UMAD1: variants seen among roughly 807,000 people sequenced by gnomAD.
UMAD1 encodes the protein UBAP1-MVB12-associated (UMA)-domain containing protein 1.
Under a neutral mutation model 6.1 loss-of-function variants are expected in UMAD1, and 8 were observed. The observed-to-expected ratio is 1.30, with a 90% CI of 0.76 to 2.35. The LOEUF is 2.35. Ranked by LOEUF, UMAD1 falls within the 30% of genes most tolerant of loss-of-function variation. The pLI, the probability that UMAD1 is intolerant of heterozygous loss-of-function variation, is 0.00. For synonymous variants in UMAD1, 56 were observed against 31.4 expected (o/e 1.78, Z -2.61); for missense variants, 130 against 78.4 (o/e 1.66, Z -2.49).
chr7:7,654,464 A>T (rs943430037), intron 1 of UMAD1, among the ~76,000 whole-genome samples: 3 of 152,256 alleles, frequency 2.0e-5, no homozygotes, highest in African/African-American at 7.2e-5. Context: ...GATTGGTTCC[A>T]GGACTTCCTG....
intron 1 of UMAD1, among the ~76,000 whole-genome samples, chr7:7,661,214 C>G (rs1227885114): frequency 6.6e-6 from 1 of 152,176 alleles, no homozygotes; most frequent in East Asian, 1.9e-4. Flanking sequence ...AGCAATTCAT[C>G]TAACCTTTTT....
intron 2 of UMAD1, among the ~76,000 whole-genome samples, chr7:7,797,286 C>T (rs1026580648): frequency 1.3e-5 from 2 of 152,182 alleles, no homozygotes; most frequent in Non-Finnish European, 2.9e-5. Flanking sequence ...CCCCATGACC[C>T]AAACACCTCC....
At chr7:7,648,703 T>C (rs556403601) in intron 1 of UMAD1, among the ~76,000 whole-genome samples, 1 of 151,264 alleles carries the variant, frequency 6.6e-6, no homozygotes, top group Non-Finnish European at 1.5e-5. Flanking sequence ...ATACAAAAAT[T>C]AGCTGGCCAT....
At chr7:7,786,517 T>C (rs1039709350) in intron 2 of UMAD1, among the ~76,000 whole-genome samples, 3 of 152,176 alleles carry the variant, frequency 2.0e-5, no homozygotes, top group Admixed American at 1.3e-4. Context: ...AGATGCGTAG[T>C]GTACAGATCA....
intron 1 of UMAD1, among the ~76,000 whole-genome samples, chr7:7,663,439 T>C (rs1163929897): frequency 6.6e-6 from 1 of 152,154 alleles, no homozygotes; most frequent in East Asian, 1.9e-4. Flanking sequence ...GCTTATCCTC[T>C]CAGGCATCTG....
chr7:7,755,385 C>G (rs1051377753), intron 2 of UMAD1, among the ~76,000 whole-genome samples: 4 of 152,166 alleles, frequency 2.6e-5, no homozygotes, highest in African/African-American at 4.8e-5. Flanking sequence ...ATCAAGAGCT[C>G]ATTTACAAGA....
chr7:7,827,212 G>T (rs989035489), intron 3 of UMAD1, among the ~76,000 whole-genome samples: 1 of 145,926 alleles, frequency 6.9e-6, no homozygotes, highest in African/African-American at 2.6e-5. Context: ...GAATATTATA[G>T]CATATGATTT....
In UMAD1 at chr7:7,846,769, A is replaced by G. The variant is rs564214825; in HGVS notation, c.157-30512A>G. 2.6e-5 allele frequency among the ~76,000 whole-genome samples: 4 copies of G among 152,056 alleles called. No individual in the cohort carries two copies. The East Asian group carries it at 5.8e-4, about 22-fold the overall frequency. Reference sequence around the variant, plus strand: ...CATGGAAGTATGGAAATTGAGTCACATAAGTTTACTTAAAAGACTTTTCAT... The same window carrying G: ...CATGGAAGTATGGAAATTGAGTCACGTAAGTTTACTTAAAAGACTTTTCAT... On this transcript the variant is annotated intron_variant, in intron 3 of 3. Transcript: ENST00000682710.
At chr7:7,836,615 TTAAA>T (rs1304281259) in intron 3 of UMAD1, among the ~76,000 whole-genome samples, 2 of 151,996 alleles carry the variant, frequency 1.3e-5, no homozygotes, top group Non-Finnish European at 2.9e-5. Context: ...TTTACTATAT[TTAAA>T]TAAATAAAAG....
At position 7,676,451 on chromosome 7, in the gene UMAD1, A is replaced by C. The variant is rs1246748107; in HGVS notation, c.82+2998A>C. Among the ~76,000 whole-genome samples, 4 of 152,190 alleles carry C rather than the reference A, an allele frequency of 2.6e-5. No homozygotes were observed. In the East Asian group the frequency reaches 7.7e-4, roughly 29 times the overall value. ...CCCAGGCAATCTGACTTCAGAACCT[A>C]TCCTCTAAACCACTGAACTATCCAT... On this transcript the variant is annotated intron_variant, in intron 2 of 3. Transcript: ENST00000682710.
At chr7:7,797,047 A>AT (rs1311987308) in intron 2 of UMAD1, among the ~76,000 whole-genome samples, 5 of 152,160 alleles carry the variant, frequency 3.3e-5, no homozygotes, top group Non-Finnish European at 7.3e-5. Flanking sequence ...AAAGAGGTTT[A>AT]TTTTGCCTCA....
intron 1 of UMAD1, chr7:7,641,393 G>T (rs1237652739): frequency 2.0e-5 from 3 of 152,286 alleles, no homozygotes; most frequent in Non-Finnish European, 2.9e-5. Flanking sequence ...CCCGAGCTAG[G>T]GTTCTCCCTT....
intron 2 of UMAD1, among the ~76,000 whole-genome samples, chr7:7,683,240 T>C (rs1779956637): frequency 6.6e-6 from 1 of 152,190 alleles, no homozygotes; most frequent in African/African-American, 2.4e-5. Flanking sequence ...CTAACCCTTC[T>C]GTGCATTAGG....
At chr7:7,793,799 A>G (rs1782616050) in intron 2 of UMAD1, among the ~76,000 whole-genome samples, 1 of 152,248 alleles carries the variant, frequency 6.6e-6, no homozygotes, top group Non-Finnish European at 1.5e-5. Flanking sequence ...TCTTCCGAAG[A>G]GTCAGATGAA....
At chr7:7,690,317 T>A (rs1247017931) in intron 2 of UMAD1, among the ~76,000 whole-genome samples, 1 of 152,018 alleles carries the variant, frequency 6.6e-6, no homozygotes, top group Non-Finnish European at 1.5e-5. Flanking sequence ...GGAGAAAAAT[T>A]GAAGTGTATA....
chr7:7,783,329 C>G (rs528202653), intron 2 of UMAD1, among the ~76,000 whole-genome samples: 1 of 151,830 alleles, frequency 6.6e-6, no homozygotes. Flanking sequence ...TTAATTATTT[C>G]TCATGACTGT....
At chr7:7,748,968 T>C (rs1781628234) in intron 2 of UMAD1, among the ~76,000 whole-genome samples, 1 of 152,130 alleles carries the variant, frequency 6.6e-6, no homozygotes, top group South Asian at 2.1e-4. Context: ...AGATATCCTA[T>C]TACACATGAT....
chr7:7,829,066 G>A (rs1783407035), intron 3 of UMAD1, among the ~76,000 whole-genome samples: 1 of 152,168 alleles, frequency 6.6e-6, no homozygotes, highest in Non-Finnish European at 1.5e-5. Flanking sequence ...ATGTAAGTGT[G>A]TTGTAATAGC....
intron 3 of UMAD1, among the ~76,000 whole-genome samples, chr7:7,837,072 A>G (rs1783585861): frequency 6.6e-6 from 1 of 152,058 alleles, no homozygotes; most frequent in Middle Eastern, 3.2e-3. Context: ...AAGACAAACA[A>G]AATGACCTTA....
Sources: gnomAD v4.1 joint callset for allele counts (sites outside exome capture counted in the v4.1 genomes callset) on GRCh38, gnomAD v4.1.1 for gene constraint, MANE v1.5 for transcripts, NCBI Gene and HGNC (gene_info 2026-07-23, HGNC 2026-07-21) for gene names.